The following SRRM1 variants were observed in gnomAD, a reference collection of about 807,000 sequenced individuals.
The protein encoded by SRRM1 is serine and arginine repetitive matrix 1.
Under a neutral mutation model 110.2 loss-of-function variants are expected in SRRM1, and 19 were observed. That is an observed-to-expected ratio of 0.17 (90% confidence interval 0.12 to 0.25). The LOEUF (loss-of-function observed/expected upper bound fraction) is 0.25, where lower values mean the gene tolerates loss of function less well. Among genes scored for constraint, SRRM1 ranks in the 10% least tolerant of loss-of-function variants. SRRM1 has a pLI of 1.00. For missense variants in SRRM1, 918 were observed against 1,145.8 expected, an observed-to-expected ratio of 0.80 and a Z score of 2.87; for synonymous variants, 443 against 414.9, an observed-to-expected ratio of 1.07 and a Z score of -0.82.
At chr1:24,668,776 G>C (rs1380335378) in intron 13 of SRRM1, among the ~76,000 whole-genome samples, 2 of 152,182 alleles carry the variant, frequency 1.3e-5, no homozygotes, top group Non-Finnish European at 2.9e-5. Flanking sequence ...AATAACTGAT[G>C]TTCAGTTAAT....
At chr1:24,664,208 A>G (rs1668724643) in intron 12 of SRRM1, among the ~76,000 whole-genome samples, 1 of 151,950 alleles carries the variant, frequency 6.6e-6, no homozygotes, top group Non-Finnish European at 1.5e-5. Flanking sequence ...GTTGGCCAGG[A>G]TGGTCTCAAA....
At chr1:24,658,723 A>C (rs1465507894) in intron 9 of SRRM1, among the ~76,000 whole-genome samples, 4 of 152,172 alleles carry the variant, frequency 2.6e-5, no homozygotes, top group Non-Finnish European at 5.9e-5. Context: ...TGGACTTAGA[A>C]AAAGAGCCTC....
At chr1:24,671,295 A>G (rs757165619) in intron 15 of SRRM1, 91 bp from the exon 16 acceptor site, 2 of 1,307,852 alleles carry the variant, frequency 1.5e-6, no homozygotes, top group Non-Finnish European at 2.1e-6. Context: ...AGATTTGTCC[A>G]TTGGGGATTT....
At chr1:24,656,880 T>G (rs1664431955) in intron 9 of SRRM1, among the ~76,000 whole-genome samples, 1 of 152,192 alleles carries the variant, frequency 6.6e-6, no homozygotes, top group African/African-American at 2.4e-5. Flanking sequence ...GGCATATACT[T>G]TTTGCAAACA....
intron 14 of SRRM1, 148 bp downstream of exon 14, chr1:24,669,735 T>A: frequency 1.4e-6 from 1 of 692,438 alleles, no homozygotes; most frequent in Non-Finnish European, 2.4e-6. Context: ...CTTATTCCAT[T>A]TTTTGGGATA....
At chr1:24,656,910 C>G (rs190722151) in intron 9 of SRRM1, among the ~76,000 whole-genome samples, 2 of 152,284 alleles carry the variant, frequency 1.3e-5, no homozygotes, top group Non-Finnish European at 2.9e-5. Context: ...TGGATATGTA[C>G]ATAGGAAAGA....
chr1:24,663,940 G>A (rs1170231488), intron 12 of SRRM1, among the ~76,000 whole-genome samples: 3 of 148,136 alleles, frequency 2.0e-5, no homozygotes, highest in Admixed American at 2.0e-4. Flanking sequence ...GAAGGCTTTG[G>A]CCCTGTTCAG....
intron 12 of SRRM1, chr1:24,663,020 A>G: frequency 3.3e-6 from 3 of 904,156 alleles, no homozygotes; most frequent in Non-Finnish European, 4.9e-6. Context: ...CCACCATGTC[A>G]TATATGTGTG....
rs1663117010 is a variant in SRRM1, at chr1:24,654,886, A to G, written c.1072A>G (p.Ser358Gly). ...RRRSSASLSG[S>G]SSSSSSSRSR... is the part of the protein sequence containing the mutation. Reference sequence around the variant, plus strand: ...ACGTTCGTCAGCATCCTTGTCTGGGAGTAGCTCATCATCCTCTTCATCTCG... The same window carrying G: ...ACGTTCGTCAGCATCCTTGTCTGGGGGTAGCTCATCATCCTCTTCATCTCG... The change falls in exon 9 of 17, where the codon AGT (serine) becomes GGT (glycine). Residue 358 changes from serine to glycine, a missense_variant. By Grantham distance (56) the Ser-to-Gly change is moderately conservative. Around this residue, in one of 5 missense-constraint regions of SRRM1, gnomAD observed 456 missense variants for 453.5 expected, o/e 1.01. Coordinates refer to ENST00000323848, the MANE Select transcript of SRRM1 (RefSeq NM_005839.4). The G allele has an allele frequency of 1.2e-6, 2 of 1,614,082 alleles. No individual in the cohort carries two copies. Among genetic ancestry groups the G allele is most frequent in the South Asian group, 2.2e-5 (2 of 91,090 alleles).
chr1:24,661,088 C>G, intron 10 of SRRM1: 1 of 543,706 alleles, frequency 1.8e-6, no homozygotes, highest in South Asian at 2.9e-5. Flanking sequence ...TTGGCACCAG[C>G]CTGACCTGTA....
At chr1:24,665,924 C>G (rs1669756025) in intron 12 of SRRM1, among the ~76,000 whole-genome samples, 1 of 152,062 alleles carries the variant, frequency 6.6e-6, no homozygotes. Flanking sequence ...TGAGTCCTGT[C>G]CTGGGCAAAA....
chr1:24,654,131 G>A (rs1215013747), intron 8 of SRRM1, among the ~76,000 whole-genome samples: 1 of 152,108 alleles, frequency 6.6e-6, no homozygotes, highest in East Asian at 1.9e-4. Flanking sequence ...AGTAATGCTG[G>A]TGCTTCCTAG....
intron 1 of SRRM1, chr1:24,643,849 C>T (rs1464079294): frequency 6.5e-6 from 1 of 153,512 alleles, no homozygotes; most frequent in Non-Finnish European, 1.4e-5. Context: ...AAAGCGCCCT[C>T]CCCGCCCCCC....
chr1:24,656,624 T>C (rs1372575593), intron 9 of SRRM1, among the ~76,000 whole-genome samples: 7 of 152,216 alleles, frequency 4.6e-5, no homozygotes, highest in Non-Finnish European at 1.0e-4. Context: ...CCTGTAAAGT[T>C]TGTACTTCTG....
chr1:24,665,273 A>G (rs774344186), intron 12 of SRRM1, among the ~76,000 whole-genome samples: 17 of 152,124 alleles, frequency 1.1e-4, no homozygotes, highest in African/African-American at 3.6e-4. Flanking sequence ...CTAAAAATAC[A>G]AAAAAGTTAG....
chr1:24,669,479 C>A lies in SRRM1; in HGVS notation c.2096C>A (p.Pro699His). 6.2e-7 allele frequency: 1 copy of A among 1,613,404 alleles called. No homozygotes were observed. The highest frequency in any genetic ancestry group is 8.5e-7 in the Non-Finnish European group (1 of 1,179,700). Residue 699 changes from proline to histidine, a missense_variant, in exon 14 of 17, where the codon CCC becomes CAC. Around this residue, in one of 5 missense-constraint regions of SRRM1, gnomAD observed 357 missense variants for 402.9 expected, o/e 0.89. Transcript: ENST00000323848. ...CCTCAGACCTCCTCAAGTCCTCCAC[C>A]CGTTCGAAGAGGAGCGTCGTCATCA... ...RAPQTSSSPP[P>H]VRRGASSSPQ...
intron 16 of SRRM1, 59 bp from the exon 17 acceptor site, chr1:24,672,123 T>C (rs1673104032): frequency 4.5e-6 from 6 of 1,334,526 alleles, no homozygotes; most frequent in South Asian, 2.5e-5. Context: ...TTCTGCTCTT[T>C]ACTCGGCATT....
Position 24,646,680 on chromosome 1 carries a change from A to G in SRRM1, c.125A>G (p.Lys42Arg). The G allele has an allele frequency of 6.3e-7, 1 of 1,597,040 alleles. No individual in the cohort carries two copies. The highest frequency in any genetic ancestry group is 8.5e-7 in the Non-Finnish European group (1 of 1,175,070). Reference protein sequence around the residue: ...ECLEKKVDMSKVNLEVIKPWI... With the variant: ...ECLEKKVDMSRVNLEVIKPWI... ...ATGTTTCATCAGGTGGACATGAGCA[A>G]AGTAAATTTGGAGGTTATAAAGCCT... Residue 42 changes from lysine to arginine, a missense_variant, in exon 3 of 17, where the codon AAA becomes AGA. Physicochemically the swap from Lys to Arg is conservative, Grantham distance 26. Coordinates refer to ENST00000323848, the MANE Select transcript of SRRM1 (RefSeq NM_005839.4).
chr1:24,651,281 A>C (rs2148322946), intron 5 of SRRM1, 128 bp from the exon 6 acceptor site: 2 of 737,980 alleles, frequency 2.7e-6, no homozygotes, highest in Admixed American at 5.8e-5. Flanking sequence ...AGCATGTCTT[A>C]TTTCCATAGG....
Sources: gnomAD v4.1 joint callset for allele counts (sites outside exome capture counted in the v4.1 genomes callset) on GRCh38, gnomAD v4.1.1 for gene constraint, gnomAD v4.1.1 regional missense constraint, MANE v1.5 for transcripts, NCBI Gene and HGNC (gene_info 2026-07-23, HGNC 2026-07-21) for gene names.